SOX6: variants seen among roughly 807,000 people sequenced by gnomAD.
SOX6 encodes the protein transcription factor SOX-6.
In SOX6, 11 loss-of-function variants were observed where a neutral mutation model predicts 97.8. The ratio of observed to expected loss-of-function variants is 0.11; its 90% CI spans 0.07 to 0.19. The LOEUF (loss-of-function observed/expected upper bound fraction) is 0.19. SOX6 is among the 10% of genes least tolerant of loss of function. SOX6 has a pLI of 1.00. For synonymous variants in SOX6, 360 were observed against 371.4 expected (o/e 0.97, Z 0.35); for missense variants, 810 against 1,039.5 (o/e 0.78, Z 3.04).
intron 1 of SOX6, among the ~76,000 whole-genome samples, chr11:16,444,224 G>A (rs1053040309): frequency 3.3e-5 from 5 of 152,018 alleles, no homozygotes; most frequent in South Asian, 4.2e-4. Flanking sequence ...CAAATTATAC[G>A]AATGTGTTAA....
chr11:16,699,554 T>C (rs1033043900), intron 3 of SOX6, among the ~76,000 whole-genome samples: 1 of 152,208 alleles, frequency 6.6e-6, no homozygotes, highest in African/African-American at 2.4e-5. Flanking sequence ...TTCCTATTTA[T>C]ACTCATTTTG....
At chr11:16,359,589 G>A (rs1038780183), upstream of SOX6, among the ~76,000 whole-genome samples, 1 of 152,066 alleles carries the variant, frequency 6.6e-6, no homozygotes, top group Non-Finnish European at 1.5e-5. Flanking sequence ...TGTCCTTGGT[G>A]TTCTGCTCGA....
chr11:16,145,289 A>G (rs1349455597), intron 6 of SOX6, among the ~76,000 whole-genome samples: 5 of 152,336 alleles, frequency 3.3e-5, no homozygotes, highest in Non-Finnish European at 5.9e-5. Context: ...GGCCTTTGAC[A>G]AAATTCAACA....
rs193217045 is a variant in SOX6, at chr11:16,540,124, G to A, written n.610-63736C>T. Among the ~76,000 whole-genome samples the A allele has an allele frequency of 1.6e-3, 242 of 152,220 alleles. 5 individuals carry two copies. Among genetic ancestry groups the A allele is most frequent in the Admixed American group, 0.013 (201 of 15,290 alleles). ...GCACATGAAAAAGCTTATCCACCACGATCAGGTCAGCTTCATCCCTGGGAT... is the reference window on the plus strand; with the variant it reads ...GCACATGAAAAAGCTTATCCACCACAATCAGGTCAGCTTCATCCCTGGGAT... On this transcript the variant is annotated intron_variant and non_coding_transcript_variant, in intron 4 of 5. Transcript: ENST00000524520.
At chr11:16,352,212 T>TA (rs1311510242) in intron 1 of SOX6, among the ~76,000 whole-genome samples, 7 of 151,244 alleles carry the variant, frequency 4.6e-5, no homozygotes, top group Non-Finnish European at 1.0e-4. Context: ...GTCAGAAACA[T>TA]AAAAAAAGAT....
At chr11:16,139,188 A>G (rs1850060890) in intron 6 of SOX6, among the ~76,000 whole-genome samples, 1 of 152,106 alleles carries the variant, frequency 6.6e-6, no homozygotes, top group African/African-American at 2.4e-5. Context: ...TTTTTCCACT[A>G]TCGTGTTACA....
chr11:16,237,058 T>A (rs1261303682), intron 3 of SOX6, among the ~76,000 whole-genome samples: 2 of 151,824 alleles, frequency 1.3e-5, no homozygotes, highest in Non-Finnish European at 3.0e-5. Flanking sequence ...TAGCAACCAC[T>A]GATTGCCTTT....
At chr11:16,319,162 A>G (rs1197336256) in intron 2 of SOX6, among the ~76,000 whole-genome samples, 2 of 152,218 alleles carry the variant, frequency 1.3e-5, no homozygotes, top group Non-Finnish European at 2.9e-5. Context: ...ATTGTTCACC[A>G]GAAAATACAG....
intron 1 of SOX6, among the ~76,000 whole-genome samples, chr11:16,377,600 TTATTC>T (rs533478490): frequency 1.9e-3 from 291 of 152,300 alleles, no homozygotes; most frequent in Admixed American, 4.3e-3. Context: ...CTTGAAGACA[TTATTC>T]TAAAGTAATA....
At chr11:16,244,039 A>G (rs1000777573) in intron 3 of SOX6, among the ~76,000 whole-genome samples, 1 of 151,904 alleles carries the variant, frequency 6.6e-6, no homozygotes, top group African/African-American at 2.4e-5. Flanking sequence ...TAAAAATTGA[A>G]TTTCCTGTAA....
intron 2 of SOX6, among the ~76,000 whole-genome samples, chr11:16,721,114 G>C (rs530256907): frequency 9.9e-5 from 15 of 152,148 alleles, no homozygotes; most frequent in Non-Finnish European, 1.6e-4. Flanking sequence ...TCCTAAGACA[G>C]AGAAAGTTAA....
chr11:16,503,227 G>C (rs1860735440), intron 4 of SOX6, among the ~76,000 whole-genome samples: 1 of 150,796 alleles, frequency 6.6e-6, no homozygotes, highest in Non-Finnish European at 1.5e-5. Context: ...TCTACCCCTG[G>C]AAGTGATAAG....
intron 9 of SOX6, among the ~76,000 whole-genome samples, chr11:16,095,424 T>G (rs1236711168): frequency 2.6e-5 from 4 of 151,764 alleles, no homozygotes; most frequent in Non-Finnish European, 4.4e-5. Flanking sequence ...TACAGAAGTT[T>G]GTCTTGGAAA....
At chr11:16,567,487 T>C (rs1014604838) in intron 4 of SOX6, 2 of 152,078 alleles carry the variant, frequency 1.3e-5, no homozygotes, top group African/African-American at 2.4e-5. Flanking sequence ...ACAGGTATTA[T>C]AGTGACGCTA....
Position 16,586,751 on chromosome 11 carries a change from GT to G in SOX6, n.609+25329del, listed in dbSNP as rs1848098804. 3.9e-5 allele frequency among the ~76,000 whole-genome samples: 6 copies of G among 152,152 alleles called. No homozygotes were observed. The South Asian group carries it at 1.2e-3, about 32-fold the overall frequency. ...AAAAGAAAAGGAAAAAAGATAATGG[GT>G]TATCAAATAGAAATGAATTACCTAA... is the stretch of plus-strand genomic sequence containing the variant. On this transcript the variant is annotated intron_variant and non_coding_transcript_variant, in intron 4 of 5. Transcript: ENST00000524520.
chr11:16,005,487 C>T (rs1312167732), intron 13 of SOX6, among the ~76,000 whole-genome samples: 1 of 151,950 alleles, frequency 6.6e-6, no homozygotes, highest in Non-Finnish European at 1.5e-5. Flanking sequence ...GAATTATTGA[C>T]TATGAAATTA....
In SOX6 at chr11:16,420,594, A is replaced by G. The variant is rs1859002954; in HGVS notation, c.-5+55721T>C. On this transcript the variant is annotated intron_variant, in intron 1 of 15. Coordinates refer to the SOX6 transcript ENST00000396356. ...CTACTAGAGAGAGATAAAAAGTAGG[A>G]TTGTTATTCTAGAAGATTTCTCACA... 5.3e-5 allele frequency among the ~76,000 whole-genome samples: 8 copies of G among 152,106 alleles called. 1 individual carries two copies. In the South Asian group the frequency reaches 1.4e-3, roughly 28 times the overall value.
intron 4 of SOX6, among the ~76,000 whole-genome samples, chr11:16,205,052 T>A (rs1013385067): frequency 6.6e-6 from 1 of 152,158 alleles, no homozygotes; most frequent in Non-Finnish European, 1.5e-5. Context: ...GAAGCAACAT[T>A]GGTTCTTAAT....
At chr11:16,629,315 A>G (rs925808009) in intron 3 of SOX6, among the ~76,000 whole-genome samples, 7 of 152,162 alleles carry the variant, frequency 4.6e-5, no homozygotes, top group African/African-American at 1.4e-4. Context: ...GCGATGTTGG[A>G]TTTTATCAAA....
Sources: gnomAD v4.1 joint callset for allele counts (sites outside exome capture counted in the v4.1 genomes callset) on GRCh38, gnomAD v4.1.1 for gene constraint, MANE v1.5 for transcripts, NCBI Gene and HGNC (gene_info 2026-07-23, HGNC 2026-07-21) for gene names.